Variants in CHST1 observed in about 807,000 individuals in gnomAD.
The protein encoded by CHST1 is Keratan sulfotransferase.
A neutral mutation model predicts 22.5 loss-of-function variants in CHST1; 10 were observed. The observed-to-expected ratio is 0.44, with a 90% CI of 0.27 to 0.75. The LOEUF is 0.75. Among genes scored for constraint, CHST1 ranks in the 30% least tolerant of loss-of-function variants. CHST1 has a pLI of 0.15. For missense variants in CHST1, 439 were observed against 576.1 expected, an observed-to-expected ratio of 0.76 and a Z score of 2.44; for synonymous variants, 267 against 264.5, an observed-to-expected ratio of 1.01 and a Z score of -0.09.
rs1256615836 is a variant in CHST1, at chr11:45,650,329, C to G, written c.595G>C (p.Glu199Gln). 2 of 1,603,658 alleles carry G rather than the reference C, an allele frequency of 1.2e-6. No homozygotes were observed. The highest frequency in any genetic ancestry group is 2.7e-5 in the African/African-American group (2 of 74,938). ...GTCTTGATGGCCACGTGGCTGCGCTCGCGGCACGCCTCGGCCGCCACGGTC... is the reference window on the plus strand; with the variant it reads ...GTCTTGATGGCCACGTGGCTGCGCTGGCGGCACGCCTCGGCCGCCACGGTC... The part of the protein sequence containing the change: ...NLTVAAEACR[E>Q]RSHVAIKTVR... Residue 199 changes from glutamate (E) to glutamine (Q), a missense_variant, in exon 4 of 4, where the codon GAG becomes CAG. Glu to Gln is a conservative substitution (Grantham distance 29). Transcript: ENST00000308064.
chr11:45,658,568 G>C (rs1050777532), intron 1 of CHST1, among the ~76,000 whole-genome samples: 2 of 152,276 alleles, frequency 1.3e-5, no homozygotes, highest in Admixed American at 1.3e-4. Flanking sequence ...GGAGTGGGAG[G>C]GGGGTGGTCC....
Position 45,664,378 on chromosome 11 carries a change from C to T in CHST1, c.-227+800G>A, listed in dbSNP as rs573909793. 6.6e-5 allele frequency among the ~76,000 whole-genome samples: 10 copies of T among 152,316 alleles called. 1 individual carries two copies. The East Asian group carries it at 1.9e-3, about 29-fold the overall frequency. ...CACCAAGAGGAAGCCGGCCCCAGAG[C>T]TGAGGAAGGCAGTCCTGTGAAAGGG... On this transcript the variant is annotated intron_variant, in intron 1 of 3. Transcript: ENST00000308064.
intron 1 of CHST1, among the ~76,000 whole-genome samples, chr11:45,658,638 C>T (rs530323949): frequency 6.6e-6 from 1 of 152,212 alleles, no homozygotes; most frequent in South Asian, 2.1e-4. Context: ...GACCTCCTGG[C>T]CACAACACAA....
intron 1 of CHST1, among the ~76,000 whole-genome samples, chr11:45,655,663 T>C (rs1852053290): frequency 6.6e-6 from 1 of 152,230 alleles, no homozygotes; most frequent in Non-Finnish European, 1.5e-5. Context: ...CAGCCTCGCC[T>C]TCTCCCAGGG....
intron 1 of CHST1, among the ~76,000 whole-genome samples, chr11:45,654,397 C>T (rs931291087): frequency 8.5e-5 from 13 of 152,362 alleles, no homozygotes; most frequent in African/African-American, 2.4e-4. Context: ...CTTGTACCCC[C>T]GGGGAGGGCA....
intron 1 of CHST1, among the ~76,000 whole-genome samples, chr11:45,659,414 G>A (rs554655009): frequency 1.3e-5 from 2 of 152,100 alleles, no homozygotes; most frequent in Non-Finnish European, 2.9e-5. Context: ...TGCCGATCTC[G>A]ATCACAGCAT....
chr11:45,658,438 A>T (rs192777779), intron 1 of CHST1, among the ~76,000 whole-genome samples: 44 of 152,352 alleles, frequency 2.9e-4, no homozygotes, highest in South Asian at 4.1e-4. Flanking sequence ...GTTAAAACAG[A>T]TGCCGTAGCC....
At chr11:45,661,886 A>C (rs751312655) in intron 1 of CHST1, among the ~76,000 whole-genome samples, 1 of 152,170 alleles carries the variant, frequency 6.6e-6, no homozygotes, top group Non-Finnish European at 1.5e-5. Context: ...AATCTCCCCT[A>C]GCTGCACTCC....
At chr11:45,655,386 T>A (rs1852050023) in intron 1 of CHST1, among the ~76,000 whole-genome samples, 1 of 152,228 alleles carries the variant, frequency 6.6e-6, no homozygotes, top group Non-Finnish European at 1.5e-5. Flanking sequence ...TCTCCCGGCC[T>A]GGGAACTTCT....
chr11:45,664,441 G>C (rs1289598671), intron 1 of CHST1, among the ~76,000 whole-genome samples: 2 of 152,214 alleles, frequency 1.3e-5, no homozygotes, highest in African/African-American at 2.4e-5. Flanking sequence ...CCTGAAATCA[G>C]GCCAAGGTGC....
In CHST1 at chr11:45,647,728, C is replaced by T. The variant is rs932780978; in HGVS notation, c.*1960G>A. Among the ~76,000 whole-genome samples the T allele has an allele frequency of 6.6e-6, 1 of 152,116 alleles. No homozygotes were observed. The highest frequency in any genetic ancestry group is 6.5e-5 in the Admixed American group (1 of 15,286). Reference sequence around the variant, plus strand: ...GTGAATGTATTTAATGAATGGTACACCTTAAAAAGGTTAAGATGGTAAATT... The same window carrying T: ...GTGAATGTATTTAATGAATGGTACATCTTAAAAAGGTTAAGATGGTAAATT... On this transcript the variant is annotated 3_prime_UTR_variant, in exon 4 of 4. Coordinates refer to ENST00000308064, the MANE Select transcript of CHST1 (RefSeq NM_003654.6).
rs1173001426 is a variant in CHST1 at position 45,648,411 on chromosome 11, G to A, written c.*1277C>T. ...AGGAAAAAAAAAACGGCTGGGTGAG[G>A]TGGCTCAAGTCTGCAATCCCAGCAC... On this transcript the variant is annotated 3_prime_UTR_variant, in exon 4 of 4. Transcript: ENST00000308064. Among the ~76,000 whole-genome samples, 3 of 152,032 alleles carry A rather than the reference G, an allele frequency of 2.0e-5. No individual in the cohort carries two copies. Among genetic ancestry groups the A allele is most frequent in the African/African-American group, 7.2e-5 (3 of 41,398 alleles).
chr11:45,649,595 G>A lies in CHST1; in HGVS notation c.*93C>T, dbSNP rs1851962775. 1 of 1,289,022 alleles carries A rather than the reference G, an allele frequency of 7.8e-7. No homozygotes were observed. Among genetic ancestry groups the A allele is most frequent in the African/African-American group, 1.5e-5 (1 of 67,558 alleles). The allele number at this position is 1,289,022 out of a possible 1,614,324, so 79.8% of individuals were successfully genotyped here. ...CAGGAAGGACACGAAGATGAGGTGGGAGAGGGAGGGGTTAATAAGGCAACA... is the reference window on the plus strand; with the variant it reads ...CAGGAAGGACACGAAGATGAGGTGGAAGAGGGAGGGGTTAATAAGGCAACA... On this transcript the variant is annotated 3_prime_UTR_variant, in exon 4 of 4. Coordinates refer to ENST00000308064, the MANE Select transcript of CHST1 (RefSeq NM_003654.6).
intron 1 of CHST1, among the ~76,000 whole-genome samples, chr11:45,659,129 G>A (rs181653671): frequency 1.3e-5 from 2 of 152,174 alleles, no homozygotes; most frequent in Admixed American, 1.3e-4. Context: ...CACAGACCTG[G>A]CTTCTGTCAG....
intron 1 of CHST1, among the ~76,000 whole-genome samples, chr11:45,663,403 G>C (rs1852159153): frequency 6.6e-6 from 1 of 152,222 alleles, no homozygotes; most frequent in Non-Finnish European, 1.5e-5. Context: ...CTCCCAGCAG[G>C]GGCCTGTGAC....
At chr11:45,655,896 G>A (rs1337009962) in intron 1 of CHST1, among the ~76,000 whole-genome samples, 1 of 152,238 alleles carries the variant, frequency 6.6e-6, no homozygotes, top group African/African-American at 2.4e-5. Context: ...TCATTCTCAG[G>A]GACAGTTGGG....
chr11:45,660,239 A>G (rs948416401), intron 1 of CHST1, among the ~76,000 whole-genome samples: 1 of 152,186 alleles, frequency 6.6e-6, no homozygotes, highest in African/African-American at 2.4e-5. Flanking sequence ...AGAAGTTAAG[A>G]GATTTGTTCA....
At chr11:45,651,606 G>A (rs937927778) in intron 3 of CHST1, 10 of 152,254 alleles carry the variant, frequency 6.6e-5, no homozygotes, top group African/African-American at 2.4e-4. Flanking sequence ...GTCTCTAAGA[G>A]TCTCTGGAGC....
At chr11:45,655,626 G>A (rs930365854) in intron 1 of CHST1, among the ~76,000 whole-genome samples, 2 of 152,202 alleles carry the variant, frequency 1.3e-5, no homozygotes, top group South Asian at 2.1e-4. Flanking sequence ...CACCCTAGCC[G>A]CACCGGGAGA....
Sources: gnomAD v4.1 joint callset for allele counts (sites outside exome capture counted in the v4.1 genomes callset) on GRCh38, gnomAD v4.1.1 for gene constraint, MANE v1.5 for transcripts, NCBI Gene and HGNC (gene_info 2026-07-23, HGNC 2026-07-21) for gene names.